NCKAP5: variants seen among roughly 807,000 people sequenced by gnomAD.
NCKAP5 encodes NCK associated protein 5.
In NCKAP5, 92 loss-of-function variants were observed where a neutral mutation model predicts 167.0. That is an observed-to-expected ratio of 0.55 (90% CI 0.47 to 0.66). The LOEUF (loss-of-function observed/expected upper bound fraction) is 0.66. Among genes scored for constraint, NCKAP5 ranks in the 30% least tolerant of loss-of-function variants. NCKAP5 has a pLI of 0.00. For synonymous variants in NCKAP5, 891 were observed against 877.4 expected (o/e 1.02, Z -0.27); for missense variants, 2,378 against 2,315.0 (o/e 1.03, Z -0.56).
intron 6 of NCKAP5, among the ~76,000 whole-genome samples, chr2:133,054,903 A>G (rs1346529338): frequency 6.6e-6 from 1 of 152,218 alleles, no homozygotes; most frequent in Non-Finnish European, 1.5e-5. Flanking sequence ...CCATCAAACA[A>G]AATGAAAACC....
chr2:133,016,393 C>T (rs922860546), intron 6 of NCKAP5, among the ~76,000 whole-genome samples: 6 of 152,236 alleles, frequency 3.9e-5, no homozygotes, highest in Middle Eastern at 3.4e-3. Flanking sequence ...TTGATAATAG[C>T]GGCTCTTTAG....
intron 8 of NCKAP5, among the ~76,000 whole-genome samples, chr2:132,945,404 G>A (rs767462989): frequency 6.6e-6 from 1 of 152,234 alleles, no homozygotes; most frequent in African/African-American, 2.4e-5. Context: ...TGGCAGCAAC[G>A]AAATCATCTA....
At chr2:133,654,611 T>C in the NCKAP5 span, among the ~76,000 whole-genome samples, 2 of 152,200 alleles carry the variant, frequency 1.3e-5, no homozygotes, top group Non-Finnish European at 2.9e-5. Flanking sequence ...CTTTTCCTAA[T>C]GGTCCACTGG....
chr2:133,526,385 G>A (rs1323199528), intron 2 of NCKAP5, among the ~76,000 whole-genome samples: 1 of 152,008 alleles, frequency 6.6e-6, no homozygotes, highest in Non-Finnish European at 1.5e-5. Flanking sequence ...ATGTAAGAGA[G>A]GGAGATTTAT....
At chr2:132,884,701 C>T (rs1692073463) in intron 8 of NCKAP5, among the ~76,000 whole-genome samples, 1 of 152,014 alleles carries the variant, frequency 6.6e-6, no homozygotes, top group Admixed American at 6.6e-5. Context: ...TTTTAGTAAG[C>T]CAGCAGTACA....
In NCKAP5 at chr2:133,292,884, T is replaced by C. The variant is rs528751012; in HGVS notation, c.143+10153A>G. On this transcript the variant is annotated intron_variant, in intron 4 of 19. Coordinates refer to ENST00000409261, the MANE Select transcript of NCKAP5 (RefSeq NM_207363.3). The stretch of plus-strand genomic sequence containing the variant: ...GACTCCATCTATACAGTGGTTTATT[T>C]ATTAACTATAAAGATCCTAGTCCTG... Among the ~76,000 whole-genome samples, 5 of 152,322 alleles carry C rather than the reference T, an allele frequency of 3.3e-5. No individual in the cohort carries two copies. In the East Asian group the frequency reaches 7.7e-4, roughly 23 times the overall value.
At position 132,689,355 on chromosome 2, in the gene NCKAP5, T is replaced by C. The variant is rs370586034; in HGVS notation, c.5714-16050A>G. Among the ~76,000 whole-genome samples the C allele has an allele frequency of 5.9e-5, 9 of 152,326 alleles. No homozygotes were observed. The East Asian group carries it at 1.3e-3, about 23-fold the overall frequency. ...TGGGCTGAACTGACACAAGATGTTCTCTTGAAATTCCTGAGAGATGAGGGA... is the reference window on the plus strand; with the variant it reads ...TGGGCTGAACTGACACAAGATGTTCCCTTGAAATTCCTGAGAGATGAGGGA... On this transcript the variant is annotated intron_variant, in intron 19 of 19. Coordinates refer to ENST00000409261, the MANE Select transcript of NCKAP5 (RefSeq NM_207363.3).
intron 19 of NCKAP5, among the ~76,000 whole-genome samples, chr2:132,712,447 T>G (rs189255298): frequency 1.3e-5 from 2 of 152,094 alleles, no homozygotes; most frequent in Non-Finnish European, 2.9e-5. Context: ...GTCAGGAGAT[T>G]GGGACCATCC....
intron 3 of NCKAP5, among the ~76,000 whole-genome samples, chr2:133,412,734 T>A (rs1204761634): frequency 6.6e-6 from 1 of 152,242 alleles, no homozygotes; most frequent in Non-Finnish European, 1.5e-5. Flanking sequence ...TATTGGCAAC[T>A]TTTAAATCAG....
At chr2:133,423,343 T>A (rs1689599045) in intron 3 of NCKAP5, among the ~76,000 whole-genome samples, 1 of 152,084 alleles carries the variant, frequency 6.6e-6, no homozygotes, top group Non-Finnish European at 1.5e-5. Flanking sequence ...CTCCTTCACA[T>A]CCTGGAAGCA....
At chr2:133,238,398 C>T (rs1012307939) in intron 4 of NCKAP5, among the ~76,000 whole-genome samples, 7 of 152,198 alleles carry the variant, frequency 4.6e-5, no homozygotes, top group Admixed American at 1.3e-4. Context: ...GCCAGGGCCA[C>T]AGGACCGCAG....
the NCKAP5 span, among the ~76,000 whole-genome samples, chr2:133,664,134 T>C: frequency 1.3e-5 from 2 of 150,910 alleles, no homozygotes; most frequent in Non-Finnish European, 2.9e-5. Context: ...GCACTGGTGA[T>C]GAGCAGCAAT....
chr2:132,866,847 T>G (rs1334106113), intron 10 of NCKAP5, among the ~76,000 whole-genome samples: 1 of 152,202 alleles, frequency 6.6e-6, no homozygotes, highest in African/African-American at 2.4e-5. Flanking sequence ...TCATCTGCAT[T>G]TGGAGTACAC....
chr2:133,173,223 C>T (rs1424421391), intron 5 of NCKAP5, among the ~76,000 whole-genome samples: 1 of 152,070 alleles, frequency 6.6e-6, no homozygotes, highest in Non-Finnish European at 1.5e-5. Context: ...CCAGAGACAA[C>T]TTGATAGTGG....
At chr2:133,416,026 T>C (rs957688786) in intron 3 of NCKAP5, among the ~76,000 whole-genome samples, 3 of 152,226 alleles carry the variant, frequency 2.0e-5, no homozygotes, top group Non-Finnish European at 2.9e-5. Context: ...ATATTTCTGA[T>C]GTTCATTTAG....
At chr2:133,036,586 G>A (rs549528363) in intron 6 of NCKAP5, among the ~76,000 whole-genome samples, 6 of 152,086 alleles carry the variant, frequency 3.9e-5, no homozygotes, top group African/African-American at 1.4e-4. Context: ...CATTTCAATT[G>A]ATGCTGAAAA....
intron 5 of NCKAP5, among the ~76,000 whole-genome samples, chr2:133,157,577 A>AT (rs1437257025): frequency 1.3e-5 from 2 of 152,042 alleles, no homozygotes; most frequent in Admixed American, 6.6e-5. Flanking sequence ...TCTAAGGAGT[A>AT]TTTTTTCTTT....
chr2:133,374,310 G>A (rs1436381468), intron 3 of NCKAP5, among the ~76,000 whole-genome samples: 1 of 152,202 alleles, frequency 6.6e-6, no homozygotes, highest in East Asian at 1.9e-4. Context: ...AAAAGCTATA[G>A]AGAAGATGAA....
chr2:133,003,839 C>A (rs2077869061), intron 6 of NCKAP5, among the ~76,000 whole-genome samples: 1 of 152,182 alleles, frequency 6.6e-6, no homozygotes, highest in South Asian at 2.1e-4. Flanking sequence ...GCATCATATT[C>A]ACTCCAGGGC....
Sources: gnomAD v4.1 joint callset for allele counts (sites outside exome capture counted in the v4.1 genomes callset) on GRCh38, gnomAD v4.1.1 for gene constraint, MANE v1.5 for transcripts, NCBI Gene and HGNC (gene_info 2026-07-23, HGNC 2026-07-21) for gene names.